Variants in STAT5B observed in about 807,000 individuals in gnomAD.
STAT5B encodes transcription factor STAT5B.
Under a neutral mutation model 107.8 loss-of-function variants are expected in STAT5B, and 21 were observed. The ratio of observed to expected loss-of-function variants is 0.19; its 90% CI spans 0.14 to 0.28. The LOEUF (loss-of-function observed/expected upper bound fraction) is 0.28, where lower values mean the gene tolerates loss of function less well. Among genes scored for constraint, STAT5B ranks in the 10% least tolerant of loss-of-function variants. The probability of loss-of-function intolerance (pLI) is 1.00; values close to 1 mark genes in which losing one functional copy is unlikely to be tolerated. For missense variants in STAT5B, 565 were observed against 1,008.2 expected (o/e 0.56, Z 5.95); for synonymous variants, 325 against 401.7 (o/e 0.81, Z 2.28).
chr17:42,244,329 G>C (rs2144336399), intron 1 of STAT5B, among the ~76,000 whole-genome samples: 1 of 150,370 alleles, frequency 6.7e-6, no homozygotes, highest in East Asian at 2.0e-4. Context: ...GGGCTCAAGT[G>C]ATCCTCTTAC....
In STAT5B at chr17:42,200,782, C is replaced by T; in HGVS notation, c.*956G>A. On this transcript the variant is annotated 3_prime_UTR_variant, in exon 19 of 19. Coordinates refer to ENST00000293328, the MANE Select transcript of STAT5B (RefSeq NM_012448.4). ...ATTCAACATTTGCAAAAAGCATCAT[C>T]AATAAGCCTGAAGAAGGCCACGGAC... 1 of 314,138 alleles carries T rather than the reference C, an allele frequency of 3.2e-6. No homozygotes were observed. Among genetic ancestry groups the T allele is most frequent in the Non-Finnish European group, 5.8e-6 (1 of 173,028 alleles). The allele number at this position is 314,138 out of a possible 1,614,324, so 19.5% of individuals were successfully genotyped here. A position where few individuals can be genotyped will look rare whatever the true frequency, so the allele number is the denominator to read the frequency against.
chr17:42,211,871 TTCGGTACATTTTA>T, intron 13 of STAT5B, 100 bp downstream of exon 13: 1 of 1,486,728 alleles, frequency 6.7e-7, no homozygotes, highest in Non-Finnish European at 9.2e-7. Context: ...TTCTATTACT[TTCGGTACATTTTA>T]TTAGAGACAT....
At chr17:42,252,476 C>T (rs753033794) in intron 1 of STAT5B, among the ~76,000 whole-genome samples, 51 of 152,206 alleles carry the variant, frequency 3.4e-4, no homozygotes, top group Middle Eastern at 3.4e-3. Flanking sequence ...TTTGATTTCC[C>T]CAATATAGTA....
At chr17:42,224,667 T>G in intron 4 of STAT5B, 112 bp downstream of exon 4, 1 of 1,050,952 alleles carries the variant, frequency 9.5e-7, no homozygotes, top group Non-Finnish European at 1.4e-6. Context: ...GAAGCTCTCT[T>G]TAAAGAGACA....
At chr17:42,217,926 G>A in intron 9 of STAT5B, 1 of 666,356 alleles carries the variant, frequency 1.5e-6, no homozygotes, top group Non-Finnish European at 2.4e-6. Flanking sequence ...GGCTGGTCTT[G>A]AACTCCTGAC....
chr17:42,246,612 C>T (rs765576544), intron 1 of STAT5B, among the ~76,000 whole-genome samples: 1 of 152,094 alleles, frequency 6.6e-6, no homozygotes, highest in African/African-American at 2.4e-5. Context: ...TCACTCACAA[C>T]GGTACCAGAA....
intron 1 of STAT5B, among the ~76,000 whole-genome samples, chr17:42,241,457 T>C (rs1203673314): frequency 1.3e-5 from 2 of 151,984 alleles, no homozygotes; most frequent in Non-Finnish European, 2.9e-5. Context: ...TTTTTTTTTT[T>C]TTTGAGACAG....
intron 12 of STAT5B, chr17:42,214,572 A>T: frequency 1.0e-6 from 1 of 985,450 alleles, no homozygotes; most frequent in Non-Finnish European, 1.2e-6. Context: ...TTTGTAAATG[A>T]GCTGTTGAAC....
At chr17:42,206,154 C>T (rs1489385785) in intron 16 of STAT5B, among the ~76,000 whole-genome samples, 1 of 152,164 alleles carries the variant, frequency 6.6e-6, no homozygotes, top group African/African-American at 2.4e-5. Context: ...ACTTCTGCCT[C>T]CCTGGTTCAA....
intron 1 of STAT5B, among the ~76,000 whole-genome samples, chr17:42,250,946 T>C (rs377557839): frequency 3.4e-5 from 5 of 148,560 alleles, no homozygotes; most frequent in Middle Eastern, 3.2e-3. Context: ...AAAAAAATCA[T>C]CAGCTAGTCA....
chr17:42,224,484 C>A (rs540829590), intron 4 of STAT5B, among the ~76,000 whole-genome samples: 3 of 151,988 alleles, frequency 2.0e-5, no homozygotes, highest in East Asian at 1.9e-4. Flanking sequence ...GGACTACAGG[C>A]ATATGCCACC....
At chr17:42,256,116 G>A (rs1276085309) in intron 1 of STAT5B, among the ~76,000 whole-genome samples, 2 of 151,922 alleles carry the variant, frequency 1.3e-5, no homozygotes, top group African/African-American at 4.8e-5. Flanking sequence ...ATATATATAC[G>A]TAACTCCACA....
intron 1 of STAT5B, among the ~76,000 whole-genome samples, chr17:42,236,871 G>A (rs1422444750): frequency 3.9e-5 from 6 of 152,076 alleles, no homozygotes; most frequent in African/African-American, 7.2e-5. Flanking sequence ...GCCATCGAAC[G>A]CTACTCTGCA....
intron 16 of STAT5B, 161 bp from the exon 17 acceptor site, chr17:42,202,969 G>T: frequency 1.1e-6 from 1 of 929,992 alleles, no homozygotes; most frequent in Non-Finnish European, 1.7e-6. Flanking sequence ...TTTTGAAACA[G>T]TCTCACTCTC....
chr17:42,227,273 A>G (rs950780465), intron 3 of STAT5B, among the ~76,000 whole-genome samples: 2 of 151,726 alleles, frequency 1.3e-5, no homozygotes, highest in East Asian at 1.9e-4. Flanking sequence ...CGAGGAGTAT[A>G]TGACAACATA....
chr17:42,234,511 C>T (rs921031462), intron 1 of STAT5B: 6 of 152,280 alleles, frequency 3.9e-5, no homozygotes, highest in East Asian at 1.9e-4. Context: ...TAAATCATAT[C>T]GCAAGATTTT....
intron 1 of STAT5B, among the ~76,000 whole-genome samples, chr17:42,244,078 CTTTCT>C (rs1454931114): frequency 3.4e-5 from 5 of 146,348 alleles, no homozygotes; most frequent in South Asian, 2.2e-4. Context: ...GAATTTTTTT[CTTTCT>C]TTTCTTTTCT....
At chr17:42,257,713 C>A (rs1022938186) in intron 1 of STAT5B, among the ~76,000 whole-genome samples, 4 of 152,142 alleles carry the variant, frequency 2.6e-5, no homozygotes, top group African/African-American at 9.7e-5. Flanking sequence ...CACAATGGGA[C>A]CACACACAAA....
At chr17:42,217,572 G>T in intron 9 of STAT5B, 108 bp from the exon 10 acceptor site, 2 of 1,201,568 alleles carry the variant, frequency 1.7e-6, no homozygotes, top group Non-Finnish European at 2.4e-6. Context: ...TGCTAAAAAT[G>T]TACGTCATTT....
Sources: allele counts gnomAD v4.1 joint callset (sites outside exome capture counted in the v4.1 genomes callset), GRCh38; gene constraint gnomAD v4.1.1; transcripts MANE v1.5; gene names NCBI Gene and HGNC (gene_info 2026-07-23, HGNC 2026-07-21).